The following DIAPH2 variants were observed in gnomAD, a reference collection of about 807,000 sequenced individuals.
The protein encoded by DIAPH2 is diaphanous related formin 2.
Under a neutral mutation model 92.7 loss-of-function variants are expected in DIAPH2, and 35 were observed. The ratio of observed to expected loss-of-function variants is 0.38; its 90% confidence interval spans 0.29 to 0.50. The LOEUF is 0.50. Ranked by LOEUF, DIAPH2 falls within the 20% of genes least tolerant of loss-of-function variation. The probability of loss-of-function intolerance (pLI) is 0.94; values close to 1 mark genes in which losing one functional copy is unlikely to be tolerated. For missense variants in DIAPH2, 701 were observed against 819.5 expected, an observed-to-expected ratio of 0.86 and a Z score of 1.77; for synonymous variants, 301 against 280.4, an observed-to-expected ratio of 1.07 and a Z score of -0.73.
At chrX:97,568,115 C>CAAAAAAAAAAAAA (rs59273565) in intron 26 of DIAPH2, among the ~76,000 whole-genome samples, 1 of 30,097 alleles carries the variant, frequency 3.3e-5, no homozygotes, top group Non-Finnish European at 5.0e-5. Context: ...GACTCCATCT[C>CAAAAAAAAAAAAA]AAAAAAAAAA....
intron 1 of DIAPH2, among the ~76,000 whole-genome samples, chrX:96,705,158 G>A (rs1319696872): frequency 9.1e-6 from 1 of 109,573 alleles, no homozygotes; most frequent in Non-Finnish European, 1.9e-5. Context: ...ATTTTTAGTC[G>A]AGACAGGGTT....
chrX:97,415,237 G>A (rs1381477020), intron 25 of DIAPH2, among the ~76,000 whole-genome samples: 1 of 111,753 alleles, frequency 8.9e-6, no homozygotes, highest in African/African-American at 3.3e-5. Context: ...AAATAGGAAC[G>A]CTTTTACATT....
At chrX:97,169,481 T>C (rs2067436062) in intron 22 of DIAPH2, among the ~76,000 whole-genome samples, 2 of 111,616 alleles carry the variant, frequency 1.8e-5, no homozygotes, top group African/African-American at 6.5e-5. Flanking sequence ...AGGAGGTTGT[T>C]TCAGTAATTG....
intron 22 of DIAPH2, among the ~76,000 whole-genome samples, chrX:97,189,232 A>G (rs1312655777): frequency 9.0e-6 from 1 of 111,375 alleles, no homozygotes; most frequent in Non-Finnish European, 1.9e-5. Context: ...CGGAGGTTAA[A>G]GGAAAGGTTG....
At chrX:96,696,317 T>C (rs1171666875) in intron 1 of DIAPH2, among the ~76,000 whole-genome samples, 1 of 112,448 alleles carries the variant, frequency 8.9e-6, no homozygotes, top group Non-Finnish European at 1.9e-5. Flanking sequence ...AATGTGACTC[T>C]GGACAAGTCT....
At chrX:97,134,700 C>A (rs1000215337) in intron 21 of DIAPH2, among the ~76,000 whole-genome samples, 3 of 111,166 alleles carry the variant, frequency 2.7e-5, no homozygotes, top group African/African-American at 9.8e-5. Context: ...CTCATGAATT[C>A]TTGATTTTTC....
In DIAPH2 at chrX:97,120,360, C is replaced by T. The variant is rs572329539; in HGVS notation, c.2589+5395C>T. On this transcript the variant is annotated intron_variant, in intron 21 of 26. Coordinates refer to ENST00000324765, the MANE Select transcript of DIAPH2 (RefSeq NM_006729.5). ...TTCGGTGGTGGAGGATCTCCCTTTC[C>T]CACTTCGCAATTTGGGCACTCACAG... Among the ~76,000 whole-genome samples, 80 of 110,864 alleles carry T rather than the reference C, an allele frequency of 7.2e-4. No homozygotes were observed. The Middle Eastern group carries it at 0.019, about 26-fold the overall frequency.
chrX:97,581,052 TTC>T (rs2071437856), intron 26 of DIAPH2, among the ~76,000 whole-genome samples: 1 of 103,319 alleles, frequency 9.7e-6, no homozygotes, highest in African/African-American at 3.5e-5. Context: ...TATTTGATTC[TTC>T]TCTCTTTTTT....
In DIAPH2 at chrX:96,690,599, T is replaced by G. The variant is rs2063793670; in HGVS notation, c.132+5409T>G. 2.7e-5 allele frequency among the ~76,000 whole-genome samples: 3 copies of G among 111,963 alleles called. 1 individual carries two copies. In the South Asian group the frequency reaches 1.1e-3, roughly 41 times the overall value. ...ATATGGTTATATGTTGAAAGATTCC[T>G]TATTCTCTCCCCAATACCATTTGTC... On this transcript the variant is annotated intron_variant, in intron 1 of 26. Coordinates refer to ENST00000324765, the MANE Select transcript of DIAPH2 (RefSeq NM_006729.5).
At chrX:96,818,728 T>C (rs394801) in intron 4 of DIAPH2, among the ~76,000 whole-genome samples, 1 of 112,312 alleles carries the variant, frequency 8.9e-6, no homozygotes, top group Non-Finnish European at 1.9e-5. Flanking sequence ...GATTTGTTAT[T>C]TGTTTTTGTG....
chrX:97,072,940 G>T lies in DIAPH2; in HGVS notation c.2051-1G>T. On this transcript the variant is annotated splice_acceptor_variant, in intron 17 of 26. Coordinates refer to ENST00000324765, the MANE Select transcript of DIAPH2 (RefSeq NM_006729.5). LOFTEE classifies it high-confidence loss of function. ...TTATGAATCAACATTTTTTCTTTCA[G>T]TTCAAAAGAACGCAGAAGCATTAGA... The T allele has an allele frequency of 8.5e-7, 1 of 1,177,930 alleles. No individual in the cohort carries two copies. Among genetic ancestry groups the T allele is most frequent in the South Asian group, 1.9e-5 (1 of 52,898 alleles).
At chrX:97,153,358 G>A (rs1244334641) in intron 22 of DIAPH2, among the ~76,000 whole-genome samples, 1 of 110,917 alleles carries the variant, frequency 9.0e-6, no homozygotes, top group Admixed American at 9.6e-5. Flanking sequence ...CGAGGCGGGT[G>A]GATTCCCTGA....
chrX:97,045,848 A>ACTTTTTT lies in DIAPH2; in HGVS notation c.2051-27093_2051-27092insCTTTTTT, dbSNP rs1239959717. On this transcript the variant is annotated intron_variant, in intron 17 of 26. Coordinates refer to ENST00000324765, the MANE Select transcript of DIAPH2 (RefSeq NM_006729.5). Reference sequence around the variant, plus strand: ...GGGTATGGTATTAGGGTATTTTAGGATTTTTTTTTTTTTTTTTTTTTTTGA... The same window carrying ACTTTTTT: ...GGGTATGGTATTAGGGTATTTTAGGACTTTTTTTTTTTTTTTTTTTTTTTTTTTTTGA... 3.3e-3 allele frequency among the ~76,000 whole-genome samples: 213 copies of ACTTTTTT among 64,403 alleles called. 3 individuals are homozygous for ACTTTTTT. The highest frequency in any genetic ancestry group is 0.012 in the African/African-American group (197 of 16,619). The allele number at this position is 64,403 out of a possible 115,157, so 55.9% of individuals were successfully genotyped here.
rs150874105 is a variant in DIAPH2 at position 97,176,505 on chromosome X, G to GTTTGT, written c.2719+34745_2719+34749dup. Reference sequence around the variant, plus strand: ...ATCCATGAAGGATTGGTGTTTTTTTGTTTGTTTTGTTTTGTTTTGTTTTGT... The same window carrying GTTTGT: ...ATCCATGAAGGATTGGTGTTTTTTTGTTTGTTTTGTTTTGTTTTGTTTTGTTTTGT... On this transcript the variant is annotated intron_variant, in intron 22 of 26. Coordinates refer to ENST00000324765, the MANE Select transcript of DIAPH2 (RefSeq NM_006729.5). 2.6e-3 allele frequency among the ~76,000 whole-genome samples: 275 copies of GTTTGT among 103,905 alleles called. 1 individual carries two copies. Among genetic ancestry groups the GTTTGT allele is most frequent in the East Asian group, 0.011 (36 of 3,306 alleles). The allele number at this position is 103,905 out of a possible 115,157, so 90.2% of individuals were successfully genotyped here. A position where few individuals can be genotyped will look rare whatever the true frequency, so the allele number is the denominator to read the frequency against.
At chrX:96,881,049 A>G (rs1388104282) in intron 4 of DIAPH2, among the ~76,000 whole-genome samples, 1 of 112,010 alleles carries the variant, frequency 8.9e-6, no homozygotes, top group African/African-American at 3.2e-5. Context: ...ATTAATTAAC[A>G]TGCTAATTGG....
At chrX:97,502,521 G>A (rs780237053) in intron 26 of DIAPH2, among the ~76,000 whole-genome samples, 2 of 112,133 alleles carry the variant, frequency 1.8e-5, no homozygotes, top group African/African-American at 6.5e-5. Context: ...TAACAAAGTG[G>A]CCCAAACAAA....
At chrX:96,694,936 T>C (rs941735066) in intron 1 of DIAPH2, among the ~76,000 whole-genome samples, 2 of 108,440 alleles carry the variant, frequency 1.8e-5, no homozygotes, top group Non-Finnish European at 3.8e-5. Flanking sequence ...TTTGGTTGAC[T>C]AGCTAATGGT....
chrX:97,110,395 G>C (rs746909209), intron 20 of DIAPH2, among the ~76,000 whole-genome samples: 4 of 111,167 alleles, frequency 3.6e-5, no homozygotes, highest in African/African-American at 1.3e-4. Flanking sequence ...TGTCAATAAA[G>C]CAATTTTATT....
intron 22 of DIAPH2, among the ~76,000 whole-genome samples, chrX:97,189,437 C>G (rs28433757): frequency 3.4e-5 from 3 of 89,301 alleles, no homozygotes; most frequent in East Asian, 3.7e-4. Flanking sequence ...TCGTCCCCCC[C>G]CCTCCCTCCC....
Sources: gnomAD v4.1 joint callset for allele counts (sites outside exome capture counted in the v4.1 genomes callset) on GRCh38, gnomAD v4.1.1 for gene constraint, MANE v1.5 for transcripts, NCBI Gene and HGNC (gene_info 2026-07-23, HGNC 2026-07-21) for gene names.